Variants in KCNH8 observed in about 807,000 individuals in gnomAD.
KCNH8 encodes voltage-gated delayed rectifier potassium channel KCNH8.
A neutral mutation model predicts 103.6 loss-of-function variants in KCNH8; 70 were observed. The observed-to-expected ratio is 0.68, with a 90% CI of 0.56 to 0.82. The LOEUF (loss-of-function observed/expected upper bound fraction) is 0.82. KCNH8 is among the 40% of genes least tolerant of loss of function. KCNH8 has a pLI of 0.00. For synonymous variants in KCNH8, 498 were observed against 489.4 expected (o/e 1.02, Z -0.23); for missense variants, 1,217 against 1,329.9 (o/e 0.92, Z 1.32).
At chr3:19,476,198 C>T (rs1245512392) in intron 11 of KCNH8, among the ~76,000 whole-genome samples, 1 of 152,138 alleles carries the variant, frequency 6.6e-6, no homozygotes, top group African/African-American at 2.4e-5. Flanking sequence ...TTGAGCTTAA[C>T]CGAGGCAATA....
intron 3 of KCNH8, among the ~76,000 whole-genome samples, chr3:19,296,672 G>A (rs1032653287): frequency 3.9e-5 from 6 of 152,110 alleles, no homozygotes; most frequent in East Asian, 3.9e-4. Flanking sequence ...AGAATGATAC[G>A]ATGGACTTTG....
Position 19,288,821 on chromosome 3 carries a change from G to A in KCNH8, c.442+7492G>A, listed in dbSNP as rs191089308. ...AATTGCCACACTGACTTCCACAATG[G>A]TTGAACTAGTTTGCAGTCCCACCAA... is the stretch of plus-strand genomic sequence containing the variant. On this transcript the variant is annotated intron_variant, in intron 3 of 15. Transcript: ENST00000328405. Among the ~76,000 whole-genome samples the A allele has an allele frequency of 2.0e-3, 312 of 152,270 alleles. 1 individual carries two copies. Among genetic ancestry groups the A allele is most frequent in the Non-Finnish European group, 3.2e-3 (219 of 68,032 alleles).
chr3:19,523,737 T>C lies in KCNH8; in HGVS notation c.2619+5663T>C, dbSNP rs182470576. Among the ~76,000 whole-genome samples the C allele has an allele frequency of 1.6e-3, 245 of 152,028 alleles. 3 individuals are homozygous for C. The highest frequency in any genetic ancestry group is 4.8e-3 in the Admixed American group (73 of 15,238). On this transcript the variant is annotated intron_variant, in intron 15 of 15. Coordinates refer to ENST00000328405, the MANE Select transcript of KCNH8 (RefSeq NM_144633.3). The stretch of plus-strand genomic sequence containing the variant: ...AAGCTTTTGTATATCCTAAAAGAAA[T>C]AGAAAACTGGATACTGGCAAACGCT...
intron 3 of KCNH8, among the ~76,000 whole-genome samples, chr3:19,307,388 TATC>T (rs1049492599): frequency 6.6e-6 from 1 of 151,784 alleles, no homozygotes; most frequent in African/African-American, 2.4e-5. Context: ...GGATGGCTAT[TATC>T]AAAAAAAGCA....
intron 11 of KCNH8, among the ~76,000 whole-genome samples, chr3:19,505,084 TACACAC>T (rs111724747): frequency 1.4e-5 from 2 of 147,896 alleles, no homozygotes; most frequent in African/African-American, 2.5e-5. Context: ...TATATATAGA[TACACAC>T]ACACACACAC....
At chr3:19,328,438 T>G (rs2065461115) in intron 3 of KCNH8, among the ~76,000 whole-genome samples, 1 of 152,162 alleles carries the variant, frequency 6.6e-6, no homozygotes, top group Non-Finnish European at 1.5e-5. Context: ...TTTTAAACCA[T>G]GTATCCCCCA....
At chr3:19,225,834 A>G (rs1302856988) in intron 1 of KCNH8, among the ~76,000 whole-genome samples, 1 of 152,198 alleles carries the variant, frequency 6.6e-6, no homozygotes, top group Admixed American at 6.5e-5. Flanking sequence ...CAAAAATTAA[A>G]TGTATTCATT....
In KCNH8 at chr3:19,423,147, A is replaced by G. The variant is rs538359075; in HGVS notation, c.1178-15017A>G. Among the ~76,000 whole-genome samples, 5 of 152,172 alleles carry G rather than the reference A, an allele frequency of 3.3e-5. No individual in the cohort carries two copies. The East Asian group carries it at 7.7e-4, about 23-fold the overall frequency. ...TAAAGACTGAAAAGCTTCTCTCATG[A>G]TTGTACATTTGTTGGGTCAGACTGC... On this transcript the variant is annotated intron_variant, in intron 7 of 15. Transcript: ENST00000328405.
chr3:19,475,364 C>G (rs2067951470), intron 11 of KCNH8, among the ~76,000 whole-genome samples: 1 of 152,116 alleles, frequency 6.6e-6, no homozygotes, highest in South Asian at 2.1e-4. Flanking sequence ...GTTCACTGTT[C>G]ACGTTTTTAC....
chr3:19,167,291 G>A (rs1348672016), intron 1 of KCNH8, among the ~76,000 whole-genome samples: 1 of 152,154 alleles, frequency 6.6e-6, no homozygotes, highest in Admixed American at 6.5e-5. Context: ...TTAAATAATT[G>A]AAATCTCATA....
intron 3 of KCNH8, among the ~76,000 whole-genome samples, chr3:19,323,845 T>C (rs748212899): frequency 1.3e-5 from 2 of 152,212 alleles, no homozygotes; most frequent in Non-Finnish European, 2.9e-5. Flanking sequence ...AAGAGTCCTA[T>C]GATGTGATTC....
chr3:19,281,754 A>G (rs2064759841), intron 3 of KCNH8, among the ~76,000 whole-genome samples: 1 of 152,124 alleles, frequency 6.6e-6, no homozygotes. Context: ...TACAAAGTTA[A>G]GAACTCTAGC....
chr3:19,380,650 C>T (rs561952287), intron 5 of KCNH8, among the ~76,000 whole-genome samples: 37 of 152,302 alleles, frequency 2.4e-4, no homozygotes, highest in African/African-American at 7.2e-4. Flanking sequence ...ATTAATAAAA[C>T]GTAAACCCTA....
chr3:19,229,812 C>T (rs1444383003), intron 1 of KCNH8, among the ~76,000 whole-genome samples: 1 of 152,194 alleles, frequency 6.6e-6, no homozygotes, highest in Non-Finnish European at 1.5e-5. Flanking sequence ...CTGAGCCCTC[C>T]AAACTGTTCC....
At chr3:19,398,748 T>C (rs1003540434) in intron 7 of KCNH8, among the ~76,000 whole-genome samples, 3 of 151,976 alleles carry the variant, frequency 2.0e-5, no homozygotes, top group East Asian at 1.9e-4. Context: ...AAAGCATTTA[T>C]ATTGGTATGT....
chr3:19,330,249 C>CT (rs1305094151), intron 3 of KCNH8, among the ~76,000 whole-genome samples: 2 of 152,084 alleles, frequency 1.3e-5, no homozygotes, highest in East Asian at 1.9e-4. Context: ...AGACCAGAGG[C>CT]CAGTTTCTCT....
chr3:19,331,717 C>T (rs1355809328), intron 3 of KCNH8, among the ~76,000 whole-genome samples: 2 of 152,152 alleles, frequency 1.3e-5, no homozygotes. Context: ...TCCCCTCAAG[C>T]ATTTATCATT....
chr3:19,366,086 C>T (rs969437904), intron 5 of KCNH8, among the ~76,000 whole-genome samples: 1 of 151,956 alleles, frequency 6.6e-6, no homozygotes, highest in African/African-American at 2.4e-5. Context: ...CAGTGAAGCT[C>T]TAGTTGAAAT....
chr3:19,377,361 G>C (rs537430253), intron 5 of KCNH8, among the ~76,000 whole-genome samples: 21 of 152,234 alleles, frequency 1.4e-4, no homozygotes, highest in African/African-American at 5.1e-4. Flanking sequence ...TTGTTGGAGA[G>C]GTGAGAACAC....
Sources: gnomAD v4.1 joint callset for allele counts (sites outside exome capture counted in the v4.1 genomes callset) on GRCh38, gnomAD v4.1.1 for gene constraint, MANE v1.5 for transcripts, NCBI Gene and HGNC (gene_info 2026-07-23, HGNC 2026-07-21) for gene names.